TRPS1: variants seen among roughly 807,000 people sequenced by gnomAD.
The protein encoded by TRPS1 is zinc finger transcription factor Trps1.
In TRPS1, 6 loss-of-function variants were observed where a neutral mutation model predicts 101.2. The observed-to-expected ratio is 0.06, with a 90% CI of 0.03 to 0.12. TRPS1 has a LOEUF of 0.12. Ranked by LOEUF, TRPS1 falls within the 10% of genes least tolerant of loss-of-function variation. The pLI is 1.00. For synonymous variants in TRPS1, 578 were observed against 589.8 expected (o/e 0.98, Z 0.29); for missense variants, 1,363 against 1,567.0 (o/e 0.87, Z 2.20).
At chr8:115,534,748 A>G (rs1456302423) in intron 5 of TRPS1, among the ~76,000 whole-genome samples, 1 of 152,182 alleles carries the variant, frequency 6.6e-6, no homozygotes, top group Non-Finnish European at 1.5e-5. Flanking sequence ...ATATGATGCT[A>G]AACTGTTTTG....
intron 5 of TRPS1, among the ~76,000 whole-genome samples, chr8:115,425,616 T>G (rs1813168831): frequency 2.0e-5 from 3 of 152,234 alleles, no homozygotes; most frequent in African/African-American, 7.2e-5. Flanking sequence ...GCTAAACACA[T>G]TAGCTCCATC....
chr8:115,532,564 T>G (rs1043955641), intron 5 of TRPS1, among the ~76,000 whole-genome samples: 1 of 152,164 alleles, frequency 6.6e-6, no homozygotes, highest in Non-Finnish European at 1.5e-5. Context: ...AGGACAGAGC[T>G]ACTCCCTAAT....
intron 5 of TRPS1, among the ~76,000 whole-genome samples, chr8:115,522,544 G>A (rs1051076063): frequency 6.6e-6 from 1 of 152,034 alleles, no homozygotes; most frequent in Non-Finnish European, 1.5e-5. Flanking sequence ...AAACTTAAGT[G>A]AGTACAAGTT....
intron 5 of TRPS1, among the ~76,000 whole-genome samples, chr8:115,450,747 C>T (rs900185184): frequency 1.3e-5 from 2 of 152,310 alleles, no homozygotes; most frequent in African/African-American, 4.8e-5. Context: ...GTTCCACACA[C>T]ATGTGCCTCA....
At chr8:115,593,438 TGGTTACTGTTTCA>T (rs1817721419) in intron 4 of TRPS1, among the ~76,000 whole-genome samples, 1 of 152,214 alleles carries the variant, frequency 6.6e-6, no homozygotes, top group African/African-American at 2.4e-5. Flanking sequence ...CTCTTGTCTA[TGGTTACTGTTTCA>T]CGTACGTTAT....
At chr8:115,496,017 T>G (rs1355548104) in intron 5 of TRPS1, among the ~76,000 whole-genome samples, 1 of 152,122 alleles carries the variant, frequency 6.6e-6, no homozygotes, top group Non-Finnish European at 1.5e-5. Flanking sequence ...GTTCTACCAC[T>G]AGAACCCCCT....
At chr8:115,588,447 A>C (rs1163758315) in intron 4 of TRPS1, among the ~76,000 whole-genome samples, 1 of 152,194 alleles carries the variant, frequency 6.6e-6, no homozygotes, top group Non-Finnish European at 1.5e-5. Context: ...ATATTCATTA[A>C]AAGGGTGTGT....
At chr8:115,548,084 T>A (rs1301842710) in intron 5 of TRPS1, among the ~76,000 whole-genome samples, 8 of 145,636 alleles carry the variant, frequency 5.5e-5, no homozygotes, top group South Asian at 4.3e-4. Context: ...AAAAAAAAAA[T>A]AAGTCTGGTG....
At chr8:115,488,409 G>A (rs202139693) in intron 5 of TRPS1, among the ~76,000 whole-genome samples, 26 of 152,200 alleles carry the variant, frequency 1.7e-4, no homozygotes, top group African/African-American at 5.8e-4. Context: ...TAAGACTACC[G>A]GCCAGGTGAG....
intron 5 of TRPS1, among the ~76,000 whole-genome samples, chr8:115,566,338 G>T (rs1424698306): frequency 6.6e-6 from 1 of 152,108 alleles, no homozygotes; most frequent in East Asian, 1.9e-4. Flanking sequence ...CTTCAAGCCT[G>T]CAGCAACAAG....
chr8:115,601,429 C>A (rs1324471399), intron 4 of TRPS1, among the ~76,000 whole-genome samples: 1 of 152,136 alleles, frequency 6.6e-6, no homozygotes, highest in African/African-American at 2.4e-5. Context: ...TATTACTGTT[C>A]AGCTTTCAGT....
At chr8:115,560,300 G>T (rs1364636430) in intron 5 of TRPS1, among the ~76,000 whole-genome samples, 2 of 152,062 alleles carry the variant, frequency 1.3e-5, no homozygotes, top group South Asian at 2.1e-4. Context: ...AGGAATCCAC[G>T]AAGAAAAATT....
intron 5 of TRPS1, among the ~76,000 whole-genome samples, chr8:115,468,076 C>T (rs1814372014): frequency 6.6e-6 from 1 of 152,100 alleles, no homozygotes; most frequent in Admixed American, 6.6e-5. Context: ...TAGAGCACTG[C>T]TTTTGTTTCT....
intron 1 of TRPS1, among the ~76,000 whole-genome samples, chr8:115,656,529 T>C (rs1811680481): frequency 6.6e-6 from 1 of 152,102 alleles, no homozygotes; most frequent in Admixed American, 6.6e-5. Flanking sequence ...CATCAAATTT[T>C]GAGATATAAA....
chr8:115,628,483 G>A (rs1380076348), intron 1 of TRPS1, among the ~76,000 whole-genome samples: 2 of 151,364 alleles, frequency 1.3e-5, no homozygotes, highest in African/African-American at 4.8e-5. Context: ...TGTTAAGTAT[G>A]GAGAAATGTT....
At chr8:115,641,558 A>G (rs1024576287) in intron 1 of TRPS1, among the ~76,000 whole-genome samples, 2 of 152,168 alleles carry the variant, frequency 1.3e-5, no homozygotes, top group Non-Finnish European at 2.9e-5. Flanking sequence ...TTACCAGCCT[A>G]TAGCAATGGC....
chr8:115,625,158 A>T (rs1818478217), intron 1 of TRPS1, among the ~76,000 whole-genome samples: 1 of 151,912 alleles, frequency 6.6e-6, no homozygotes, highest in Admixed American at 6.6e-5. Context: ...AGAGGTGTAA[A>T]TTCTATAAAT....
intron 5 of TRPS1, among the ~76,000 whole-genome samples, chr8:115,558,164 G>T (rs1245417344): frequency 6.6e-6 from 1 of 151,756 alleles, no homozygotes; most frequent in African/African-American, 2.4e-5. Context: ...AAATTTGTGA[G>T]ATATTCTGTA....
intron 5 of TRPS1, among the ~76,000 whole-genome samples, chr8:115,564,143 C>T (rs891919056): frequency 1.1e-4 from 17 of 151,848 alleles, no homozygotes; most frequent in Non-Finnish European, 2.1e-4. Flanking sequence ...TCAAATTACA[C>T]GTTACACAAT....
Sources: gnomAD v4.1 joint callset for allele counts (sites outside exome capture counted in the v4.1 genomes callset) on GRCh38, gnomAD v4.1.1 for gene constraint, MANE v1.5 for transcripts, NCBI Gene and HGNC (gene_info 2026-07-23, HGNC 2026-07-21) for gene names.